HHAT: variants seen among roughly 807,000 people sequenced by gnomAD.
HHAT encodes protein-cysteine N-palmitoyltransferase HHAT.
Under a neutral mutation model 70.8 loss-of-function variants are expected in HHAT, and 47 were observed. The observed-to-expected ratio is 0.66, with a 90% CI of 0.53 to 0.85. The LOEUF is 0.85. Among genes scored for constraint, HHAT ranks in the 40% least tolerant of loss-of-function variants. The pLI is 0.00. For synonymous variants in HHAT, 228 were observed against 247.6 expected (o/e 0.92, Z 0.74); for missense variants, 609 against 604.8 (o/e 1.01, Z -0.07).
intron 8 of HHAT, among the ~76,000 whole-genome samples, chr1:210,502,578 C>G (rs1486784273): frequency 6.6e-6 from 1 of 152,110 alleles, no homozygotes; most frequent in Admixed American, 6.6e-5. Context: ...ATCATGCATT[C>G]ATGCATTTAC....
At chr1:210,554,064 G>A (rs561200546) in intron 9 of HHAT, among the ~76,000 whole-genome samples, 55 of 152,294 alleles carry the variant, frequency 3.6e-4, no homozygotes, top group Non-Finnish European at 6.2e-4. Flanking sequence ...AAGTGGAACC[G>A]GGGCTGCTAG....
At chr1:210,626,376 C>T (rs1017027575) in intron 11 of HHAT, among the ~76,000 whole-genome samples, 3 of 152,156 alleles carry the variant, frequency 2.0e-5, no homozygotes, top group African/African-American at 7.2e-5. Flanking sequence ...GGTGCCACAG[C>T]CCTGGGAACT....
intron 11 of HHAT, among the ~76,000 whole-genome samples, chr1:210,662,807 G>A (rs1413689458): frequency 6.6e-6 from 1 of 152,166 alleles, no homozygotes; most frequent in Non-Finnish European, 1.5e-5. Flanking sequence ...CTTGCCTGCA[G>A]AGCTTGCATC....
intron 8 of HHAT, among the ~76,000 whole-genome samples, chr1:210,478,364 G>C (rs532314602): frequency 6.6e-6 from 1 of 152,328 alleles, no homozygotes; most frequent in East Asian, 1.9e-4. Context: ...CCTCAAGGCT[G>C]TTGGTTGTGA....
chr1:210,387,822 G>T (rs539819037), intron 4 of HHAT, among the ~76,000 whole-genome samples: 92 of 152,310 alleles, frequency 6.0e-4, no homozygotes, highest in South Asian at 1.5e-3. Context: ...AACTAACCAT[G>T]GAGGGTGGTG....
intron 3 of HHAT, among the ~76,000 whole-genome samples, chr1:210,372,158 C>T (rs1176561051): frequency 6.6e-6 from 1 of 152,190 alleles, no homozygotes; most frequent in East Asian, 1.9e-4. Flanking sequence ...ACAATTGGCC[C>T]TGCTCGTGGG....
At chr1:210,464,752 G>C in intron 8 of HHAT, 97 bp downstream of exon 8, 1 of 1,248,914 alleles carries the variant, frequency 8.0e-7, no homozygotes. Context: ...TCCTCTCCCT[G>C]TCTCTCACTC....
chr1:210,601,356 C>A (rs1160407821), intron 10 of HHAT, among the ~76,000 whole-genome samples: 1 of 152,062 alleles, frequency 6.6e-6, no homozygotes, highest in Admixed American at 6.6e-5. Flanking sequence ...GTAGTCCAAG[C>A]CCCAACTAAG....
intron 4 of HHAT, among the ~76,000 whole-genome samples, 193 bp from the exon 5 acceptor site, chr1:210,400,275 C>T (rs2092000214): frequency 6.6e-6 from 1 of 152,114 alleles, no homozygotes; most frequent in Admixed American, 6.5e-5. Flanking sequence ...TGTGGAAAGT[C>T]CCTCTGAATC....
intron 11 of HHAT, among the ~76,000 whole-genome samples, chr1:210,626,621 T>C (rs1669889415): frequency 6.6e-6 from 1 of 152,220 alleles, no homozygotes; most frequent in African/African-American, 2.4e-5. Context: ...GGATTGGGTT[T>C]AGATATCTCT....
rs1301773979 is a variant in HHAT at position 210,362,848 on chromosome 1, T to C, written c.92-4T>C. On this transcript the variant is annotated splice_region_variant and splice_polypyrimidine_tract_variant and intron_variant, in intron 2 of 11. Coordinates refer to ENST00000261458, the MANE Select transcript of HHAT (RefSeq NM_018194.6). ...ACTAACGAAGACTTTTTTTTTTTGGTCAGAACACGAAGAGGAGCTGGACCA... is the reference window on the plus strand; with the variant it reads ...ACTAACGAAGACTTTTTTTTTTTGGCCAGAACACGAAGAGGAGCTGGACCA... 6.2e-7 allele frequency: 1 copy of C among 1,612,336 alleles called. No homozygotes were observed. The highest frequency in any genetic ancestry group is 8.5e-7 in the Non-Finnish European group (1 of 1,178,790).
intron 2 of HHAT, among the ~76,000 whole-genome samples, chr1:210,360,846 C>CTTTTTTTTTTTTTTTTT (rs3036585): frequency 8.0e-6 from 1 of 124,302 alleles, no homozygotes; most frequent in African/African-American, 3.3e-5. Context: ...ATTAACTTCA[C>CTTTTTTTTTTTTTTTTT]TTTTTTTTTT....
chr1:210,398,978 T>G (rs2091932576), intron 4 of HHAT, among the ~76,000 whole-genome samples: 1 of 152,194 alleles, frequency 6.6e-6, no homozygotes, highest in Non-Finnish European at 1.5e-5. Context: ...GAGTATAGGT[T>G]TGGGAAAGAA....
intron 7 of HHAT, among the ~76,000 whole-genome samples, chr1:210,453,818 T>C (rs932516542): frequency 6.6e-6 from 1 of 152,230 alleles, no homozygotes; most frequent in Non-Finnish European, 1.5e-5. Context: ...ACATAGATTT[T>C]ACAGAGCACT....
At chr1:210,577,167 CT>C (rs1281414143) in intron 9 of HHAT, among the ~76,000 whole-genome samples, 1 of 151,430 alleles carries the variant, frequency 6.6e-6, no homozygotes, top group African/African-American at 2.4e-5. Flanking sequence ...GTTCATATGC[CT>C]TTTATTTATT....
chr1:210,472,106 T>C (rs2094215283), intron 8 of HHAT, among the ~76,000 whole-genome samples: 1 of 152,220 alleles, frequency 6.6e-6, no homozygotes, highest in African/African-American at 2.4e-5. Flanking sequence ...AATTAGAAGG[T>C]ACTTGAGCTA....
chr1:210,357,588 G>A (rs1028297885), intron 2 of HHAT, among the ~76,000 whole-genome samples: 2 of 152,190 alleles, frequency 1.3e-5, no homozygotes, highest in Non-Finnish European at 2.9e-5. Context: ...TTGGGAGGCC[G>A]AGGCGGGTGG....
chr1:210,643,213 A>G (rs1360580481), intron 11 of HHAT, among the ~76,000 whole-genome samples: 5 of 152,222 alleles, frequency 3.3e-5, no homozygotes, highest in African/African-American at 1.2e-4. Context: ...GTTGCTGTGA[A>G]TGTAATTCCT....
At chr1:210,433,939 G>A (rs1367374924) in intron 7 of HHAT, among the ~76,000 whole-genome samples, 3 of 151,874 alleles carry the variant, frequency 2.0e-5, no homozygotes, top group Non-Finnish European at 4.4e-5. Context: ...GGTTACCTCT[G>A]CCCCCACTGT....
Sources: gnomAD v4.1 joint callset for allele counts (sites outside exome capture counted in the v4.1 genomes callset) on GRCh38, gnomAD v4.1.1 for gene constraint, MANE v1.5 for transcripts, NCBI Gene and HGNC (gene_info 2026-07-23, HGNC 2026-07-21) for gene names.